The following PCDH9 variants were observed in gnomAD, a reference collection of about 807,000 sequenced individuals.
PCDH9 encodes protocadherin-9.
A neutral mutation model predicts 70.6 loss-of-function variants in PCDH9; 24 were observed. The ratio of observed to expected loss-of-function variants is 0.34; its 90% CI spans 0.25 to 0.48. The LOEUF (loss-of-function observed/expected upper bound fraction) is 0.48, where lower values mean the gene tolerates loss of function less well. PCDH9 is among the 20% of genes least tolerant of loss of function. The pLI, the probability that PCDH9 is intolerant of heterozygous loss-of-function variation, is 0.99. For missense variants in PCDH9, 1,281 were observed against 1,503.6 expected (o/e 0.85, Z 2.45); for synonymous variants, 562 against 558.5 (o/e 1.01, Z -0.09).
At chr13:66,979,086 T>G (rs1324985659) in intron 2 of PCDH9, among the ~76,000 whole-genome samples, 1 of 152,104 alleles carries the variant, frequency 6.6e-6, no homozygotes, top group African/African-American at 2.4e-5. Context: ...GACGTTTTGT[T>G]TTGTTTCGAC....
chr13:66,449,724 A>G (rs554791717), intron 4 of PCDH9, among the ~76,000 whole-genome samples: 26 of 152,318 alleles, frequency 1.7e-4, no homozygotes, highest in Middle Eastern at 3.4e-3. Context: ...AAATGTATGC[A>G]TAATGGCCTT....
intron 3 of PCDH9, among the ~76,000 whole-genome samples, chr13:66,901,926 T>G (rs2082282423): frequency 6.6e-6 from 1 of 151,654 alleles, no homozygotes; most frequent in African/African-American, 2.4e-5. Context: ...TAAATATAAT[T>G]CTTAGAAATC....
chr13:66,989,748 G>T (rs1211414601), intron 2 of PCDH9, among the ~76,000 whole-genome samples: 1 of 151,798 alleles, frequency 6.6e-6, no homozygotes, highest in Non-Finnish European at 1.5e-5. Context: ...AATTGAATAT[G>T]CACTTGGTAT....
chr13:66,550,644 A>C (rs1460584131), intron 4 of PCDH9, among the ~76,000 whole-genome samples: 2 of 152,180 alleles, frequency 1.3e-5, no homozygotes, highest in African/African-American at 4.8e-5. Flanking sequence ...GATAGCACAG[A>C]GCCCCATATC....
At chr13:66,931,807 T>C (rs752944233) in intron 2 of PCDH9, among the ~76,000 whole-genome samples, 2 of 152,052 alleles carry the variant, frequency 1.3e-5, no homozygotes, top group African/African-American at 2.4e-5. Context: ...CTTGTGAAGA[T>C]TTTCCAGAAA....
intron 2 of PCDH9, among the ~76,000 whole-genome samples, chr13:66,912,474 A>G (rs1485837506): frequency 6.6e-6 from 1 of 151,958 alleles, no homozygotes; most frequent in Non-Finnish European, 1.5e-5. Context: ...TTCTCCTTCT[A>G]TACAAAGGTG....
At chr13:66,890,448 C>CTTTT (rs36076373) in intron 3 of PCDH9, among the ~76,000 whole-genome samples, 9 of 100,554 alleles carry the variant, frequency 9.0e-5, no homozygotes, top group East Asian at 3.2e-4. Context: ...GACTTCTGAA[C>CTTTT]TTTTTTTTTT....
intron 3 of PCDH9, among the ~76,000 whole-genome samples, chr13:66,855,742 A>C (rs1211021960): frequency 6.6e-6 from 1 of 151,918 alleles, no homozygotes; most frequent in Non-Finnish European, 1.5e-5. Flanking sequence ...GGGAAGTCAA[A>C]CCCTTGGATA....
chr13:66,818,423 C>T (rs9599151), intron 3 of PCDH9, among the ~76,000 whole-genome samples: 53,414 of 151,894 alleles, frequency 0.35, 10,076 homozygotes, highest in Non-Finnish European at 0.43. Context: ...TAGTATTTAA[C>T]TTTTTGTTTT....
At chr13:67,199,395 T>A (rs2089154898) in intron 2 of PCDH9, among the ~76,000 whole-genome samples, 1 of 151,868 alleles carries the variant, frequency 6.6e-6, no homozygotes, top group Admixed American at 6.6e-5. Flanking sequence ...TAAAAATCAC[T>A]TGCTTCTAAA....
intron 2 of PCDH9, among the ~76,000 whole-genome samples, chr13:67,089,218 C>T (rs2086168473): frequency 6.6e-6 from 1 of 151,906 alleles, no homozygotes; most frequent in South Asian, 2.1e-4. Flanking sequence ...ATTAGAGATT[C>T]AAATATCACA....
chr13:66,445,051 T>A (rs1259037756), intron 4 of PCDH9, among the ~76,000 whole-genome samples: 6 of 147,444 alleles, frequency 4.1e-5, no homozygotes, highest in Non-Finnish European at 7.4e-5. Flanking sequence ...ACTATATATA[T>A]AATATATATA....
chr13:66,482,616 G>C (rs1958861713), intron 4 of PCDH9, among the ~76,000 whole-genome samples: 2 of 152,158 alleles, frequency 1.3e-5, no homozygotes, highest in South Asian at 2.1e-4. Flanking sequence ...GCAAGGAAAG[G>C]AGGCACATCC....
Position 66,344,396 on chromosome 13 carries a change from G to A in PCDH9, c.3341-39368C>T, listed in dbSNP as rs563650928. On this transcript the variant is annotated intron_variant, in intron 4 of 4. Transcript: ENST00000377865. ...CCATCTCTGCCTCCCAAAGTGCTGG[G>A]ATTACAGGCATAAGCTACCATGCCC... Among the ~76,000 whole-genome samples the A allele has an allele frequency of 4.0e-4, 61 of 152,232 alleles. No individual in the cohort carries two copies. The East Asian group carries it at 0.01, about 26-fold the overall frequency.
At chr13:66,754,283 G>C (rs138984125) in intron 3 of PCDH9, among the ~76,000 whole-genome samples, 3 of 152,112 alleles carry the variant, frequency 2.0e-5, no homozygotes, top group African/African-American at 4.8e-5. Flanking sequence ...TGTAGATGAT[G>C]GGTTGATGGG....
At chr13:67,065,228 C>T (rs964053678) in intron 2 of PCDH9, among the ~76,000 whole-genome samples, 4 of 152,018 alleles carry the variant, frequency 2.6e-5, no homozygotes, top group Non-Finnish European at 4.4e-5. Flanking sequence ...AAAAGAAAAA[C>T]GAGCGTGTTC....
At chr13:66,704,125 T>G (rs2078682159) in intron 3 of PCDH9, among the ~76,000 whole-genome samples, 3 of 152,218 alleles carry the variant, frequency 2.0e-5, no homozygotes. Flanking sequence ...ATATTTACTT[T>G]TGTGTACTCA....
At chr13:66,863,080 T>G (rs1008135601) in intron 3 of PCDH9, among the ~76,000 whole-genome samples, 1 of 152,196 alleles carries the variant, frequency 6.6e-6, no homozygotes, top group African/African-American at 2.4e-5. Flanking sequence ...GTTGGTAACT[T>G]TAAAATATGT....
chr13:67,150,256 C>G (rs760696480), intron 2 of PCDH9, among the ~76,000 whole-genome samples: 1 of 152,064 alleles, frequency 6.6e-6, no homozygotes. Context: ...AGGCTGGCCT[C>G]GAACTCCCGA....
Sources: gnomAD v4.1 joint callset for allele counts (sites outside exome capture counted in the v4.1 genomes callset) on GRCh38, gnomAD v4.1.1 for gene constraint, MANE v1.5 for transcripts, NCBI Gene and HGNC (gene_info 2026-07-23, HGNC 2026-07-21) for gene names.